MTTP: variants seen among roughly 807,000 people sequenced by gnomAD.
The protein encoded by MTTP is microsomal triglyceride transfer protein, also known as microsomal triglyceride transfer protein large subunit.
In MTTP, 49 loss-of-function variants were observed where a neutral mutation model predicts 90.6. The observed-to-expected ratio is 0.54, with a 90% confidence interval of 0.43 to 0.69. The LOEUF (loss-of-function observed/expected upper bound fraction) is 0.69. MTTP is among the 30% of genes least tolerant of loss of function. The probability of loss-of-function intolerance (pLI) is 0.00; values close to 1 mark genes in which losing one functional copy is unlikely to be tolerated. For synonymous variants in MTTP, 347 were observed against 384.2 expected, an observed-to-expected ratio of 0.90 and a Z score of 1.13; for missense variants, 945 against 1,067.5, an observed-to-expected ratio of 0.89 and a Z score of 1.60.
At chr4:99,611,068 T>G in intron 12 of MTTP, 75 bp from the exon 13 acceptor site, 1 of 1,521,150 alleles carries the variant, frequency 6.6e-7, no homozygotes, top group Non-Finnish European at 9.1e-7. Flanking sequence ...ACTGAGGATT[T>G]TTTTTTTCCA....
In MTTP at chr4:99,597,104, A is replaced by G; in HGVS notation, c.947A>G (p.Gln316Arg). 1.9e-6 allele frequency: 3 copies of G among 1,614,018 alleles called. No individual in the cohort carries two copies. Among genetic ancestry groups the G allele is most frequent in the Non-Finnish European group, 2.5e-6 (3 of 1,179,908 alleles). The change falls in exon 8 of 18, where the codon CAG (glutamine) becomes CGG (arginine). Residue 316 changes from glutamine (Q) to arginine (R), a missense_variant. Physicochemically the swap from Gln to Arg is conservative, Grantham distance 43 (BLOSUM62 1). Coordinates refer to ENST00000265517, the MANE Select transcript of MTTP (RefSeq NM_001386140.1). ...ELWRSTRKYL[Q>R]PDNLSKAEAV... ...TGGCGGTCCACCAGGAAATACCTGC[A>G]GCCTGACAACCTTTCCAAGGCTGAG...
intron 1 of MTTP, among the ~76,000 whole-genome samples, chr4:99,575,987 A>T (rs748907704): frequency 6.6e-6 from 1 of 152,252 alleles, no homozygotes; most frequent in African/African-American, 2.4e-5. Context: ...AAATTTCCAC[A>T]TGAGGAAAAA....
chr4:99,609,313 C>T (rs1725895935), intron 12 of MTTP, among the ~76,000 whole-genome samples: 1 of 152,094 alleles, frequency 6.6e-6, no homozygotes, highest in African/African-American at 2.4e-5. Context: ...AAATTCTTAC[C>T]AAATGGTTTT....
rs1726200903 is a variant in MTTP at position 99,620,395 on chromosome 4, T to G, written c.2343-666T>G. ...AGTCTTCTGTTGAAATTATTTATCC[T>G]CTTCATCATTATCCAGGGCACATTC... is the stretch of plus-strand genomic sequence containing the variant. On this transcript the variant is annotated intron_variant, in intron 16 of 17. Transcript: ENST00000265517. 2.6e-5 allele frequency among the ~76,000 whole-genome samples: 4 copies of G among 152,328 alleles called. No individual in the cohort carries two copies. In the South Asian group the frequency reaches 8.3e-4, roughly 32 times the overall value.
At chr4:99,565,310 C>A (rs542269475) in intron 1 of MTTP, among the ~76,000 whole-genome samples, 11 of 152,206 alleles carry the variant, frequency 7.2e-5, no homozygotes, top group South Asian at 6.2e-4. Context: ...GCAAAAAAAA[C>A]CACTTCATAT....
chr4:99,602,128 G>T (rs1348683646), intron 10 of MTTP, among the ~76,000 whole-genome samples: 1 of 152,000 alleles, frequency 6.6e-6, no homozygotes, highest in Non-Finnish European at 1.5e-5. Context: ...TAGACTCTAA[G>T]TCTATCTCCT....
At position 99,619,089 on chromosome 4, in the gene MTTP, T is replaced by C; in HGVS notation, c.2333T>C (p.Val778Ala). ...SLWYRESKTRVKNRVTVVITT... is the reference protein window; with the variant it reads ...SLWYRESKTRAKNRVTVVITT... ...TGGTATCGTGAGTCTAAAACCCGAG[T>C]GAAAAATAGGTAAGTGTTTATGCAT... The change falls in exon 16 of 18, where the codon GTG (valine) becomes GCG (alanine). Residue 778 changes from valine to alanine, a missense_variant. Transcript: ENST00000265517. 6.2e-7 allele frequency: 1 copy of C among 1,613,246 alleles called. No homozygotes were observed. The highest frequency in any genetic ancestry group is 8.5e-7 in the Non-Finnish European group (1 of 1,179,388).
At chr4:99,576,351 C>T (rs1014846333) in intron 1 of MTTP, among the ~76,000 whole-genome samples, 1 of 152,084 alleles carries the variant, frequency 6.6e-6, no homozygotes, top group Non-Finnish European at 1.5e-5. Context: ...TCCTGTTTTC[C>T]CATTTTATAA....
chr4:99,586,945 C>T (rs1366756232), intron 3 of MTTP, among the ~76,000 whole-genome samples: 1 of 152,094 alleles, frequency 6.6e-6, no homozygotes, highest in Non-Finnish European at 1.5e-5. Flanking sequence ...GTCATACCTG[C>T]TGCTGCTCTT....
intron 8 of MTTP, among the ~76,000 whole-genome samples, chr4:99,597,689 T>A (rs937903336): frequency 6.6e-5 from 10 of 152,212 alleles, no homozygotes; most frequent in Admixed American, 3.3e-4. Context: ...ATGTTTTATG[T>A]AAAAAATTGA....
chr4:99,579,863 C>A (rs1015486217), intron 1 of MTTP, among the ~76,000 whole-genome samples: 2 of 151,496 alleles, frequency 1.3e-5, no homozygotes, highest in South Asian at 2.1e-4. Context: ...CAAGGCAAAA[C>A]CCTATCTCTA....
chr4:99,591,991 A>T lies in MTTP; in HGVS notation c.758+201A>T, dbSNP rs113930953. Among the ~76,000 whole-genome samples, 1,707 of 152,072 alleles carry T rather than the reference A, an allele frequency of 0.011. 27 individuals carry two copies. The highest frequency in any genetic ancestry group is 0.039 in the African/African-American group (1,611 of 41,462). ...AACATCATAGAGTATACATACACAA[A>T]CCTAGATGGCATAGCCTACACTACA... On this transcript the variant is annotated intron_variant, in intron 6 of 17. Transcript: ENST00000265517.
chr4:99,613,935 A>C (rs1726026747), intron 15 of MTTP, among the ~76,000 whole-genome samples: 1 of 152,166 alleles, frequency 6.6e-6, no homozygotes. Context: ...ATTTTTCTTT[A>C]ATAGTTTGAT....
At position 99,583,472 on chromosome 4, in the gene MTTP, G is replaced by C; in HGVS notation, c.348G>C (p.Leu116Phe). Residue 116 changes from leucine (L) to phenylalanine (F), a missense_variant, in exon 3 of 18, where the codon TTG becomes TTC. Coordinates refer to ENST00000265517, the MANE Select transcript of MTTP (RefSeq NM_001386140.1). ...SPSKIMGKENLEALQRPTLLH... is the reference protein window; with the variant it reads ...SPSKIMGKENFEALQRPTLLH... ...CTAAAATAATGGGAAAGGAAAACTTGGAAGCTCTGCAAAGACCTACGCTCC... is the reference window on the plus strand; with the variant it reads ...CTAAAATAATGGGAAAGGAAAACTTCGAAGCTCTGCAAAGACCTACGCTCC... 1 of 1,613,554 alleles carries C rather than the reference G, an allele frequency of 6.2e-7. No homozygotes were observed. The highest frequency in any genetic ancestry group is 8.5e-7 in the Non-Finnish European group (1 of 1,179,780).
chr4:99,623,216 T>C lies in MTTP; in HGVS notation c.*368T>C, dbSNP rs1726285495. 3.3e-6 allele frequency: 1 copy of C among 306,512 alleles called. No individual in the cohort carries two copies. The highest frequency in any genetic ancestry group is 6.3e-6 in the Non-Finnish European group (1 of 159,466). 19.0% of individuals were successfully genotyped at this position (306,512 alleles called of 1,614,324 possible). ...TTTTGTTTCAACAATTTTTGATCAA[T>C]GTATATGAAGCTCTTGATAGGACTT... On this transcript the variant is annotated 3_prime_UTR_variant, in exon 18 of 18. Transcript: ENST00000265517.
At chr4:99,588,950 T>C (rs1167853738) in intron 3 of MTTP, among the ~76,000 whole-genome samples, 2 of 61,750 alleles carry the variant, frequency 3.2e-5, no homozygotes, top group Non-Finnish European at 5.5e-5. Flanking sequence ...TTCATATATA[T>C]ACACACATAT....
At chr4:99,583,314 T>C in intron 2 of MTTP, 60 bp from the exon 3 acceptor site, 1 of 1,532,718 alleles carries the variant, frequency 6.5e-7, no homozygotes, top group Non-Finnish European at 8.9e-7. Context: ...TTTTCAGAGA[T>C]ACTCTGATGA....
intron 1 of MTTP, among the ~76,000 whole-genome samples, chr4:99,565,592 C>A (rs139173477): frequency 6.6e-6 from 1 of 152,228 alleles, no homozygotes; most frequent in African/African-American, 2.4e-5. Flanking sequence ...ATTGGTGATA[C>A]AGAAATGACG....
intron 16 of MTTP, among the ~76,000 whole-genome samples, chr4:99,619,497 G>C (rs1032293460): frequency 1.4e-4 from 21 of 151,520 alleles, no homozygotes; most frequent in African/African-American, 5.1e-4. Flanking sequence ...TAAATGTTAA[G>C]AGTCCTTAAG....
Sources: allele counts gnomAD v4.1 joint callset (sites outside exome capture counted in the v4.1 genomes callset), GRCh38; gene constraint gnomAD v4.1.1; transcripts MANE v1.5; gene names NCBI Gene and HGNC (gene_info 2026-07-23, HGNC 2026-07-21).